EYS: variants seen among roughly 807,000 people sequenced by gnomAD.
EYS encodes the protein EGF-like photoreceptor maintenance factor.
In EYS, 250 loss-of-function variants were observed where a neutral mutation model predicts 282.1. The observed-to-expected ratio is 0.89, with a 90% CI of 0.80 to 0.98. The LOEUF (loss-of-function observed/expected upper bound fraction) is 0.98, where lower values mean the gene tolerates loss of function less well. EYS is among the 50% of genes least tolerant of loss of function. The probability of loss-of-function intolerance (pLI) is 0.00; values close to 1 mark genes in which losing one functional copy is unlikely to be tolerated. For synonymous variants in EYS, 1,355 were observed against 1,282.9 expected (o/e 1.06, Z -1.20); for missense variants, 4,016 against 3,709.0 (o/e 1.08, Z -2.15).
intron 12 of EYS, among the ~76,000 whole-genome samples, chr6:65,068,245 C>A (rs549303353): frequency 6.6e-6 from 1 of 152,076 alleles, no homozygotes; most frequent in African/African-American, 2.4e-5. Flanking sequence ...TACTTTCCAA[C>A]GGAGTCGAAT....
chr6:64,207,178 A>C (rs560876001), intron 31 of EYS, among the ~76,000 whole-genome samples: 3 of 152,006 alleles, frequency 2.0e-5, no homozygotes, highest in Non-Finnish European at 2.9e-5. Flanking sequence ...TCATGAGTAG[A>C]TTAATGCTAT....
chr6:65,066,707 T>C (rs1284140365), intron 12 of EYS, among the ~76,000 whole-genome samples: 1 of 152,182 alleles, frequency 6.6e-6, no homozygotes, highest in East Asian at 1.9e-4. Flanking sequence ...TCTAAATTGG[T>C]TAGATTTTAT....
intron 30 of EYS, among the ~76,000 whole-genome samples, chr6:64,294,437 A>G (rs1409058982): frequency 6.6e-6 from 1 of 152,224 alleles, no homozygotes; most frequent in Non-Finnish European, 1.5e-5. Context: ...TCATGTGAGT[A>G]GGACTTTTAG....
chr6:65,110,146 GAA>G (rs745487011), intron 12 of EYS, among the ~76,000 whole-genome samples: 7 of 152,020 alleles, frequency 4.6e-5, no homozygotes, highest in Non-Finnish European at 8.8e-5. Context: ...AGCCTCACAT[GAA>G]AATTGTCCTA....
chr6:64,671,891 T>C (rs1199054588), intron 22 of EYS, among the ~76,000 whole-genome samples: 1 of 152,040 alleles, frequency 6.6e-6, no homozygotes, highest in African/African-American at 2.4e-5. Flanking sequence ...AGTATGTTGA[T>C]AGAAAAAAAA....
intron 35 of EYS, among the ~76,000 whole-genome samples, chr6:63,924,426 T>C (rs979310178): frequency 6.6e-6 from 1 of 152,246 alleles, no homozygotes; most frequent in Non-Finnish European, 1.5e-5. Flanking sequence ...TGATACACTC[T>C]GTGCAAGGAT....
chr6:63,840,551 A>G (rs1417877201), intron 36 of EYS, among the ~76,000 whole-genome samples: 2 of 151,710 alleles, frequency 1.3e-5, no homozygotes. Context: ...ATCGAATCCT[A>G]TTTGTCTATT....
chr6:64,962,299 ACTTT>A (rs1298259217), intron 14 of EYS, among the ~76,000 whole-genome samples: 5 of 129,974 alleles, frequency 3.8e-5, no homozygotes, highest in Non-Finnish European at 9.2e-5. Context: ...TTTATTTTAA[ACTTT>A]ATTTATCTAG....
intron 28 of EYS, among the ~76,000 whole-genome samples, chr6:64,413,586 CA>C (rs1394507828): frequency 2.5e-4 from 37 of 146,840 alleles, no homozygotes; most frequent in Middle Eastern, 3.5e-3. Flanking sequence ...CCTCCCCTCC[CA>C]AAAAAAAACA....
intron 40 of EYS, among the ~76,000 whole-genome samples, chr6:63,764,362 A>G (rs1392881093): frequency 6.6e-6 from 1 of 152,100 alleles, no homozygotes; most frequent in African/African-American, 2.4e-5. Context: ...CATATTTTGA[A>G]GATTATTTTT....
At chr6:65,025,861 C>G (rs1772391500) in intron 13 of EYS, among the ~76,000 whole-genome samples, 1 of 152,072 alleles carries the variant, frequency 6.6e-6, no homozygotes, top group African/African-American at 2.4e-5. Context: ...AAAGGAGGAC[C>G]ATTAGAAAAA....
chr6:64,180,638 C>T (rs1764762227), intron 31 of EYS, among the ~76,000 whole-genome samples: 1 of 151,908 alleles, frequency 6.6e-6, no homozygotes, highest in African/African-American at 2.4e-5. Flanking sequence ...CTATGTTTAC[C>T]CAGTGTTTAG....
intron 29 of EYS, among the ~76,000 whole-genome samples, chr6:64,355,424 T>G (rs1771791660): frequency 6.6e-6 from 1 of 151,570 alleles, no homozygotes; most frequent in East Asian, 2.0e-4. Flanking sequence ...TAGTTTCACA[T>G]AGTTCGTAAC....
intron 19 of EYS, among the ~76,000 whole-genome samples, chr6:64,885,794 C>G (rs1289736335): frequency 6.6e-6 from 1 of 151,790 alleles, no homozygotes; most frequent in African/African-American, 2.4e-5. Context: ...AACTTTCTCT[C>G]ACCTTTTGAT....
At chr6:65,140,216 A>T (rs954442574) in intron 12 of EYS, among the ~76,000 whole-genome samples, 9 of 152,104 alleles carry the variant, frequency 5.9e-5, no homozygotes, top group Admixed American at 5.9e-4. Context: ...CAATTTTAGA[A>T]ATAAAAACAT....
At chr6:65,352,904 C>G (rs916783837) in intron 9 of EYS, among the ~76,000 whole-genome samples, 1 of 151,902 alleles carries the variant, frequency 6.6e-6, no homozygotes, top group Non-Finnish European at 1.5e-5. Flanking sequence ...GCCATTTCTT[C>G]TAATATAATG....
intron 29 of EYS, among the ~76,000 whole-genome samples, chr6:64,309,591 CCTT>C (rs10537941): frequency 0.75 from 113,920 of 151,510 alleles, 43,414 homozygotes; most frequent in African/African-American, 0.89. Context: ...ATACAAACAA[CCTT>C]CTTATAAAAA....
chr6:64,842,294 G>A (rs887705863), intron 19 of EYS, among the ~76,000 whole-genome samples: 2 of 151,108 alleles, frequency 1.3e-5, no homozygotes, highest in Admixed American at 1.3e-4. Flanking sequence ...TCTTTTTTCT[G>A]CTAAACCAAA....
intron 9 of EYS, among the ~76,000 whole-genome samples, chr6:65,346,405 TG>T (rs1770394607): frequency 2.2e-5 from 3 of 138,050 alleles, no homozygotes; most frequent in South Asian, 4.7e-4. Flanking sequence ...TTACCCTTAT[TG>T]AAAAAAAAAA....
Sources: allele counts gnomAD v4.1 joint callset (sites outside exome capture counted in the v4.1 genomes callset), GRCh38; gene constraint gnomAD v4.1.1; transcripts MANE v1.5; gene names NCBI Gene and HGNC (gene_info 2026-07-23, HGNC 2026-07-21).